The following RSPO3 variants were observed in gnomAD, a reference collection of about 807,000 sequenced individuals.
RSPO3 encodes the protein R-spondin-3.
A neutral mutation model predicts 36.5 loss-of-function variants in RSPO3; 17 were observed. The ratio of observed to expected loss-of-function variants is 0.47; its 90% CI spans 0.32 to 0.70. The LOEUF (loss-of-function observed/expected upper bound fraction) is 0.70, where lower values mean the gene tolerates loss of function less well. RSPO3 is among the 30% of genes least tolerant of loss of function. The pLI is 0.04. For missense variants in RSPO3, 294 were observed against 322.5 expected (o/e 0.91, Z 0.68); for synonymous variants, 108 against 107.0 (o/e 1.01, Z -0.06).
intron 4 of RSPO3, among the ~76,000 whole-genome samples, chr6:127,179,717 A>G (rs1775142364): frequency 1.3e-5 from 2 of 151,900 alleles, no homozygotes; most frequent in Non-Finnish European, 2.9e-5. Flanking sequence ...AAATCAAGGC[A>G]TCAGTAAGGC....
chr6:127,136,070 T>C (rs549181308), intron 1 of RSPO3, among the ~76,000 whole-genome samples: 1 of 152,298 alleles, frequency 6.6e-6, no homozygotes, highest in African/African-American at 2.4e-5. Flanking sequence ...AGTGACTTAA[T>C]TGAAGTCACT....
chr6:127,181,101 G>A (rs1775177761), intron 4 of RSPO3, among the ~76,000 whole-genome samples: 1 of 151,780 alleles, frequency 6.6e-6, no homozygotes, highest in African/African-American at 2.4e-5. Context: ...CCCAAAGATA[G>A]ACTATGACTA....
chr6:127,180,497 A>C (rs1582811804), intron 4 of RSPO3, among the ~76,000 whole-genome samples: 3 of 148,558 alleles, frequency 2.0e-5, no homozygotes, highest in South Asian at 2.1e-4. Flanking sequence ...CAAAAAAAAA[A>C]AAAAAAAAAA....
At chr6:127,169,449 C>T (rs945517922) in intron 4 of RSPO3, among the ~76,000 whole-genome samples, 2 of 151,804 alleles carry the variant, frequency 1.3e-5, no homozygotes, top group Non-Finnish European at 2.9e-5. Flanking sequence ...TGTCCTATAT[C>T]CCTCCTAAAC....
intron 4 of RSPO3, among the ~76,000 whole-genome samples, chr6:127,195,382 T>TGATCTTGAACTCTTGGGCTCAAGCA (rs1457857344): frequency 6.6e-6 from 1 of 152,202 alleles, no homozygotes; most frequent in Non-Finnish European, 1.5e-5. Flanking sequence ...TTGCCCAAGC[T>TGATCTTGAACTCTTGGGCTCAAGCA]GATCTTGAAC....
chr6:127,134,729 C>T (rs1774119501), intron 1 of RSPO3, among the ~76,000 whole-genome samples: 1 of 152,190 alleles, frequency 6.6e-6, no homozygotes. Context: ...AGAAAGGCTA[C>T]TACCAGCTAC....
At chr6:127,145,907 A>G (rs1412039694) in intron 1 of RSPO3, among the ~76,000 whole-genome samples, 1 of 152,184 alleles carries the variant, frequency 6.6e-6, no homozygotes, top group Non-Finnish European at 1.5e-5. Context: ...TATAGACCAA[A>G]GTTTTTTGTG....
chr6:127,193,816 T>C (rs367801380), intron 4 of RSPO3, among the ~76,000 whole-genome samples: 4 of 152,326 alleles, frequency 2.6e-5, no homozygotes, highest in African/African-American at 7.2e-5. Context: ...ATCCCTTCTG[T>C]AGAAATCTTA....
At chr6:127,168,986 GT>G (rs1257922177) in intron 4 of RSPO3, among the ~76,000 whole-genome samples, 1 of 152,016 alleles carries the variant, frequency 6.6e-6, no homozygotes, top group African/African-American at 2.4e-5. Flanking sequence ...GGACCATGCT[GT>G]TTTGGTTACT....
At chr6:127,157,631 A>G (rs1423685958) in intron 4 of RSPO3, among the ~76,000 whole-genome samples, 1 of 152,106 alleles carries the variant, frequency 6.6e-6, no homozygotes, top group African/African-American at 2.4e-5. Flanking sequence ...AGTTTATACA[A>G]CTAGAAAATG....
chr6:127,150,186 T>TATATATAC (rs775035980), intron 2 of RSPO3, among the ~76,000 whole-genome samples: 112 of 149,544 alleles, frequency 7.5e-4, no homozygotes, highest in African/African-American at 2.1e-3. Context: ...TATATATATA[T>TATATATAC]ACACACACAC....
chr6:127,138,850 A>T (rs1226144324), intron 1 of RSPO3, among the ~76,000 whole-genome samples: 2 of 152,224 alleles, frequency 1.3e-5, no homozygotes, highest in African/African-American at 2.4e-5. Flanking sequence ...CTGGATAAAA[A>T]ATAAATATTG....
rs150267885 is a variant in RSPO3, at chr6:127,191,453, A to G, written c.635-4370A>G. On this transcript the variant is annotated intron_variant, in intron 4 of 4. Transcript: ENST00000356698. ...GTGGGATCTAGGAATCTGTATTTTT[A>G]TATGTTTTGGAACATTGTCTGCAGA... 3.9e-5 allele frequency among the ~76,000 whole-genome samples: 6 copies of G among 152,248 alleles called. No homozygotes were observed. The East Asian group carries it at 1.2e-3, about 29-fold the overall frequency.
chr6:127,180,860 T>C (rs1775171335), intron 4 of RSPO3, among the ~76,000 whole-genome samples: 1 of 151,878 alleles, frequency 6.6e-6, no homozygotes, highest in South Asian at 2.1e-4. Context: ...CATTTGTTTC[T>C]CATACCTACC....
At chr6:127,163,628 A>G (rs1280836052) in intron 4 of RSPO3, among the ~76,000 whole-genome samples, 1 of 152,092 alleles carries the variant, frequency 6.6e-6, no homozygotes, top group East Asian at 1.9e-4. Flanking sequence ...CATTTAAAAC[A>G]TCCCATTTCT....
Position 127,197,759 on chromosome 6 carries a change from AT to A in RSPO3, c.*1753del. 2 of 428,024 alleles carry A rather than the reference AT, an allele frequency of 4.7e-6. No homozygotes were observed. The highest frequency in any genetic ancestry group is 8.2e-6 in the Non-Finnish European group (2 of 243,692). The allele number at this position is 428,024 out of a possible 1,614,324, so 26.5% of individuals were successfully genotyped here. On this transcript the variant is annotated 3_prime_UTR_variant, in exon 5 of 5. Transcript: ENST00000356698. ...CTCTTCTAAGATATAAACATTTTAA[AT>A]GATTTATTCCTGTTTCTTATTCTGG...
At chr6:127,127,868 A>G (rs1226581443) in intron 1 of RSPO3, among the ~76,000 whole-genome samples, 1 of 151,942 alleles carries the variant, frequency 6.6e-6, no homozygotes, top group East Asian at 1.9e-4. Flanking sequence ...AACATTTACT[A>G]TAAAGGTTGC....
At chr6:127,153,273 C>G (rs1437899917) in intron 3 of RSPO3, among the ~76,000 whole-genome samples, 1 of 151,952 alleles carries the variant, frequency 6.6e-6, no homozygotes, top group Non-Finnish European at 1.5e-5. Flanking sequence ...TGCCTCAATT[C>G]TACATTGTTC....
At chr6:127,168,811 A>C (rs988702040) in intron 4 of RSPO3, among the ~76,000 whole-genome samples, 10 of 152,086 alleles carry the variant, frequency 6.6e-5, no homozygotes, top group Non-Finnish European at 1.3e-4. Flanking sequence ...TCAGCTTTCT[A>C]CATATGGCTA....
Sources: gnomAD v4.1 joint callset for allele counts (sites outside exome capture counted in the v4.1 genomes callset) on GRCh38, gnomAD v4.1.1 for gene constraint, MANE v1.5 for transcripts, NCBI Gene and HGNC (gene_info 2026-07-23, HGNC 2026-07-21) for gene names.